RPGRIP1L: variants seen among roughly 807,000 people sequenced by gnomAD.
RPGRIP1L encodes the protein RPGRIP1 like, also known as protein fantom.
RPGRIP1L carries 131 observed loss-of-function variants against 160.4 expected under a neutral mutation model. That is an observed-to-expected ratio of 0.82 (90% CI 0.71 to 0.94). The LOEUF (loss-of-function observed/expected upper bound fraction) is 0.94. Ranked by LOEUF, RPGRIP1L falls within the 40% of genes least tolerant of loss-of-function variation. RPGRIP1L has a pLI of 0.00. For synonymous variants in RPGRIP1L, 510 were observed against 515.8 expected, an observed-to-expected ratio of 0.99 and a Z score of 0.15; for missense variants, 1,522 against 1,535.8, an observed-to-expected ratio of 0.99 and a Z score of 0.15.
At chr16:53,663,185 T>C (rs1372951984) in intron 10 of RPGRIP1L, among the ~76,000 whole-genome samples, 1 of 151,906 alleles carries the variant, frequency 6.6e-6, no homozygotes, top group Non-Finnish European at 1.5e-5. Context: ...GTTATGTTTA[T>C]TATTAAAAAA....
chr16:53,638,880 CAT>C (rs1966017878), intron 19 of RPGRIP1L, among the ~76,000 whole-genome samples: 3 of 151,810 alleles, frequency 2.0e-5, no homozygotes, highest in South Asian at 4.1e-4. Flanking sequence ...AGCAAACACA[CAT>C]ATGTGTGTAT....
rs766783686 is a variant in RPGRIP1L at position 53,675,022 on chromosome 16, G to C, written c.877C>G (p.Gln293Glu). Residue 293 changes from glutamine (Q) to glutamate (E), a missense_variant, in exon 7 of 27, where the codon CAA (glutamine) becomes GAA (glutamate). Coordinates refer to ENST00000647211, the MANE Select transcript of RPGRIP1L (RefSeq NM_015272.5). The stretch of plus-strand genomic sequence containing the variant: ...AAAATAAATTATCACTGTACCTCTT[G>C]AAGCTGAATAAATTTTCCTTCCATT... Reference protein sequence around the residue: ...SAMEGKFIQLQEKQRTLRISH... With the variant: ...SAMEGKFIQLEEKQRTLRISH... The C allele has an allele frequency of 2.5e-6, 4 of 1,585,020 alleles. No homozygotes were observed. In the South Asian group the frequency reaches 4.4e-5, roughly 18 times the overall value.
intron 14 of RPGRIP1L, among the ~76,000 whole-genome samples, chr16:53,654,945 T>A (rs1187643721): frequency 6.6e-6 from 1 of 152,212 alleles, no homozygotes; most frequent in African/African-American, 2.4e-5. Context: ...TCTGCCCAGA[T>A]CAGAGTTTCT....
At chr16:53,625,370 G>A (rs970311048) in intron 22 of RPGRIP1L, among the ~76,000 whole-genome samples, 5 of 150,236 alleles carry the variant, frequency 3.3e-5, no homozygotes, top group Admixed American at 2.0e-4. Context: ...CCGCCCGGCC[G>A]CCACCCCGTC....
intron 14 of RPGRIP1L, among the ~76,000 whole-genome samples, chr16:53,655,159 C>G (rs1272636675): frequency 1.3e-5 from 2 of 152,134 alleles, no homozygotes; most frequent in Non-Finnish European, 2.9e-5. Context: ...AAAAATCCAG[C>G]TGTTTTCTAT....
In RPGRIP1L at chr16:53,599,114, G is replaced by C. The variant is rs2150904476; in HGVS notation, c.*2962C>G. 1 of 152,198 alleles carries C rather than the reference G, an allele frequency of 6.6e-6. No individual in the cohort carries two copies. Among genetic ancestry groups the C allele is most frequent in the East Asian group, 1.9e-4 (1 of 5,174 alleles). 9.4% of individuals were successfully genotyped at this position (152,198 alleles called of 1,614,324 possible). ...CTAAAATAATTTATGTTTTGTTGTG[G>C]GAACATGAGTGCACGCAAAACCTCT... On this transcript the variant is annotated 3_prime_UTR_variant, in exon 27 of 27. Coordinates refer to ENST00000647211, the MANE Select transcript of RPGRIP1L (RefSeq NM_015272.5).
intron 24 of RPGRIP1L, among the ~76,000 whole-genome samples, chr16:53,612,792 C>T (rs1348679239): frequency 2.0e-5 from 3 of 152,104 alleles, no homozygotes; most frequent in East Asian, 3.9e-4. Flanking sequence ...TTTAAGTATT[C>T]AGTTTAGTGG....
At chr16:53,624,061 T>C (rs961975057) in intron 22 of RPGRIP1L, among the ~76,000 whole-genome samples, 10 of 152,150 alleles carry the variant, frequency 6.6e-5, no homozygotes, top group African/African-American at 2.4e-4. Context: ...CCAGATATTT[T>C]TTAAATTTTT....
Position 53,652,562 on chromosome 16 carries a change from G to A in RPGRIP1L, c.2125C>T (p.Arg709Ter), listed in dbSNP as rs1037406858. The change falls in exon 15 of 27, where the codon CGA (arginine) becomes TGA (stop). Residue 709 changes from arginine to a stop codon, truncating the protein, a stop_gained. Transcript: ENST00000647211. LOFTEE classifies it high-confidence loss of function. ...KFHEILEKSGRIFCTASLIGT... is the reference protein window; with the variant it reads ...KFHEILEKSG ...ATCAAACTTGCTGTACAAAATATTC[G>A]GCCGCTTTTTTCAAGAATTTCGTGA... The A allele has an allele frequency of 7.4e-6, 12 of 1,613,696 alleles. No homozygotes were observed. Among genetic ancestry groups the A allele is most frequent in the Non-Finnish European group, 9.3e-6 (11 of 1,179,836 alleles).
intron 5 of RPGRIP1L, 96 bp from the exon 6 acceptor site, chr16:53,686,672 G>T: frequency 7.6e-7 from 1 of 1,308,896 alleles, no homozygotes; most frequent in Non-Finnish European, 1.1e-6. Flanking sequence ...AAAAGAGCAA[G>T]CAGAAGTTAA....
Position 53,679,705 on chromosome 16 carries a change from C to T in RPGRIP1L, c.777-4583G>A, listed in dbSNP as rs80165334. On this transcript the variant is annotated intron_variant, in intron 6 of 26. Coordinates refer to ENST00000647211, the MANE Select transcript of RPGRIP1L (RefSeq NM_015272.5). ...GAATTGTGCCAATCCAGTGTCATAA[C>T]GCAGGTTATTTAACAATTAGCAGAA... 4.7e-3 allele frequency among the ~76,000 whole-genome samples: 712 copies of T among 152,226 alleles called. 5 individuals are homozygous for T. Among genetic ancestry groups the T allele is most frequent in the African/African-American group, 0.016 (665 of 41,536 alleles).
intron 22 of RPGRIP1L, among the ~76,000 whole-genome samples, chr16:53,625,033 C>T (rs186418703): frequency 5.3e-5 from 8 of 152,160 alleles, no homozygotes; most frequent in African/African-American, 1.4e-4. Context: ...CCCCAGGTGC[C>T]GGGATTGCAG....
chr16:53,617,796 GA>G (rs1007701285), intron 24 of RPGRIP1L, among the ~76,000 whole-genome samples: 23 of 151,416 alleles, frequency 1.5e-4, no homozygotes, highest in Non-Finnish European at 3.1e-4. Flanking sequence ...CCAGATGGGG[GA>G]AAAAAAAGGT....
intron 10 of RPGRIP1L, among the ~76,000 whole-genome samples, chr16:53,661,017 C>G (rs1046753353): frequency 1.3e-5 from 2 of 151,610 alleles, no homozygotes; most frequent in African/African-American, 4.9e-5. Flanking sequence ...ATATCCAGGC[C>G]GGGCACGATG....
intron 4 of RPGRIP1L, among the ~76,000 whole-genome samples, chr16:53,690,818 A>G (rs1382681225): frequency 6.6e-6 from 1 of 152,138 alleles, no homozygotes; most frequent in Admixed American, 6.5e-5. Context: ...ATAGATGGGG[A>G]AAATGAGGCT....
At chr16:53,687,646 A>T (rs1375620636) in intron 5 of RPGRIP1L, among the ~76,000 whole-genome samples, 1 of 152,162 alleles carries the variant, frequency 6.6e-6, no homozygotes, top group Admixed American at 6.5e-5. Context: ...AATAAAGAAG[A>T]CTATTACATA....
chr16:53,621,151 T>A (rs904508108), intron 23 of RPGRIP1L, among the ~76,000 whole-genome samples: 3 of 152,188 alleles, frequency 2.0e-5, no homozygotes. Context: ...TTTATCTAAG[T>A]GGTTATTTTA....
intron 10 of RPGRIP1L, among the ~76,000 whole-genome samples, chr16:53,663,594 C>T (rs1967992797): frequency 6.6e-6 from 1 of 152,050 alleles, no homozygotes; most frequent in Non-Finnish European, 1.5e-5. Flanking sequence ...GTATTTGATA[C>T]TGCACGTTAA....
chr16:53,650,629 G>C (rs933834193), intron 15 of RPGRIP1L, among the ~76,000 whole-genome samples: 4 of 152,082 alleles, frequency 2.6e-5, no homozygotes, highest in African/African-American at 9.7e-5. Flanking sequence ...AGGGGACCCA[G>C]GGTGGCTAAG....
Sources: allele counts gnomAD v4.1 joint callset (sites outside exome capture counted in the v4.1 genomes callset), GRCh38; gene constraint gnomAD v4.1.1; transcripts MANE v1.5; gene names NCBI Gene and HGNC (gene_info 2026-07-23, HGNC 2026-07-21).